The following STPG2 variants were observed in gnomAD, a reference collection of about 807,000 sequenced individuals.
The protein encoded by STPG2 is sperm tail PG-rich repeat containing 2, also known as sperm-tail PG-rich repeat-containing protein 2.
A neutral mutation model predicts 54.2 loss-of-function variants in STPG2; 56 were observed. That is an observed-to-expected ratio of 1.03 (90% CI 0.83 to 1.29). STPG2 has a LOEUF of 1.29. Ranked by LOEUF, STPG2 falls within the 50% of genes most tolerant of loss-of-function variation. STPG2 has a pLI of 0.00. For missense variants in STPG2, 596 were observed against 544.9 expected, an observed-to-expected ratio of 1.09 and a Z score of -0.93; for synonymous variants, 200 against 181.8, an observed-to-expected ratio of 1.10 and a Z score of -0.81.
chr4:97,599,369 C>T (rs146443061), intron 10 of STPG2, among the ~76,000 whole-genome samples: 4,638 of 152,248 alleles, frequency 0.03, 157 homozygotes, highest in African/African-American at 0.084. Context: ...ACAGAACTAC[C>T]ATTTGACTCA....
intron 4 of STPG2, among the ~76,000 whole-genome samples, chr4:97,450,163 T>C (rs1729329067): frequency 6.6e-6 from 1 of 151,988 alleles, no homozygotes; most frequent in Non-Finnish European, 1.5e-5. Context: ...AGAAAAATAA[T>C]AAAAAATAAA....
chr4:97,625,041 C>A (rs1019500785), intron 10 of STPG2, among the ~76,000 whole-genome samples: 15 of 152,142 alleles, frequency 9.9e-5, no homozygotes, highest in Admixed American at 9.8e-4. Flanking sequence ...GAAATAGAGC[C>A]TTCACCAGAA....
At chr4:97,876,843 A>T (rs17027027) in intron 8 of STPG2, among the ~76,000 whole-genome samples, 5 of 151,984 alleles carry the variant, frequency 3.3e-5, no homozygotes, top group African/African-American at 9.7e-5. Flanking sequence ...ATGTTTTCTT[A>T]GCCTGGAAAT....
chr4:97,912,028 G>A (rs890049002), intron 8 of STPG2, among the ~76,000 whole-genome samples: 3 of 152,094 alleles, frequency 2.0e-5, no homozygotes, highest in African/African-American at 7.2e-5. Context: ...TGGTGATACC[G>A]TCAGGTGTGG....
chr4:97,813,390 T>C (rs138307455), intron 9 of STPG2, among the ~76,000 whole-genome samples: 147 of 152,054 alleles, frequency 9.7e-4, no homozygotes, highest in Admixed American at 1.6e-3. Flanking sequence ...GATACTTTTT[T>C]AAAAAAAGAA....
intron 5 of STPG2, among the ~76,000 whole-genome samples, chr4:97,997,927 A>G (rs1578767157): frequency 6.6e-6 from 1 of 152,156 alleles, no homozygotes; most frequent in Admixed American, 6.6e-5. Flanking sequence ...ACCTAAAATG[A>G]AAAATTTTTT....
At chr4:97,800,848 C>A (rs1490648356) in intron 9 of STPG2, among the ~76,000 whole-genome samples, 1 of 152,166 alleles carries the variant, frequency 6.6e-6, no homozygotes, top group Non-Finnish European at 1.5e-5. Context: ...AGCTTCCTGG[C>A]CACTTTGTTT....
At chr4:98,019,954 C>T (rs1399328341) in intron 5 of STPG2, among the ~76,000 whole-genome samples, 4 of 120,384 alleles carry the variant, frequency 3.3e-5, no homozygotes, top group Non-Finnish European at 5.5e-5. Context: ...ACAATCATGT[C>T]GTCTGCAAAC....
At chr4:97,926,197 A>T (rs1178453171) in intron 8 of STPG2, among the ~76,000 whole-genome samples, 3 of 152,142 alleles carry the variant, frequency 2.0e-5, no homozygotes, top group Non-Finnish European at 4.4e-5. Flanking sequence ...TCAGATAGAA[A>T]ATGAAGTTCA....
intron 9 of STPG2, among the ~76,000 whole-genome samples, chr4:97,791,170 G>T (rs1402006790): frequency 6.6e-6 from 1 of 152,060 alleles, no homozygotes; most frequent in East Asian, 1.9e-4. Flanking sequence ...TTTTGGAAAA[G>T]GTGCAATGAG....
At chr4:97,929,326 G>T (rs866773464) in intron 8 of STPG2, among the ~76,000 whole-genome samples, 2 of 152,112 alleles carry the variant, frequency 1.3e-5, no homozygotes, top group Non-Finnish European at 2.9e-5. Context: ...CAATAGTACT[G>T]CAATAAGCAT....
intron 7 of STPG2, among the ~76,000 whole-genome samples, chr4:97,953,322 T>C (rs1277112725): frequency 6.6e-6 from 1 of 152,104 alleles, no homozygotes; most frequent in Non-Finnish European, 1.5e-5. Context: ...AAAGCAAAAC[T>C]CACACCTGCT....
chr4:97,639,481 A>T (rs148983483), intron 10 of STPG2, among the ~76,000 whole-genome samples: 2,610 of 151,840 alleles, frequency 0.017, 67 homozygotes, highest in African/African-American at 0.059. Context: ...GTACCCTAAA[A>T]CTTAAAGTAT....
Position 97,934,673 on chromosome 4 carries a change from G to A in STPG2, c.1044+9224C>T, listed in dbSNP as rs72892986. Among the ~76,000 whole-genome samples the A allele has an allele frequency of 2.2e-3, 331 of 152,240 alleles. 2 individuals carry two copies. Among genetic ancestry groups the A allele is most frequent in the African/African-American group, 7.3e-3 (303 of 41,554 alleles). Reference sequence around the variant, plus strand: ...TGATGAATTACACTTAATGTTTTGCGTATGTTGAACCAGCCCTGAATCCCA... The same window carrying A: ...TGATGAATTACACTTAATGTTTTGCATATGTTGAACCAGCCCTGAATCCCA... On this transcript the variant is annotated intron_variant, in intron 8 of 10. Transcript: ENST00000295268.
intron 5 of STPG2, among the ~76,000 whole-genome samples, chr4:98,041,689 G>C (rs554491849): frequency 1.3e-5 from 2 of 152,048 alleles, no homozygotes; most frequent in Non-Finnish European, 2.9e-5. Context: ...AAACCCACTT[G>C]ATCGTGGTGT....
chr4:97,930,299 T>A (rs1190207903), intron 8 of STPG2, among the ~76,000 whole-genome samples: 2 of 152,244 alleles, frequency 1.3e-5, no homozygotes, highest in Non-Finnish European at 2.9e-5. Flanking sequence ...TCAAGCGTTT[T>A]TAGAATTTTG....
intron 4 of STPG2, among the ~76,000 whole-genome samples, chr4:97,538,322 C>A (rs183139573): frequency 6.6e-6 from 1 of 152,098 alleles, no homozygotes; most frequent in African/African-American, 2.4e-5. Flanking sequence ...CTAATGAGAA[C>A]AACCGATGCA....
chr4:97,485,027 C>T (rs2148823512), intron 4 of STPG2, among the ~76,000 whole-genome samples: 1 of 151,876 alleles, frequency 6.6e-6, no homozygotes, highest in East Asian at 1.9e-4. Context: ...TTAAAACTCT[C>T]AGCAAAATCA....
chr4:97,842,249 T>C (rs1237357870), intron 8 of STPG2, among the ~76,000 whole-genome samples: 1 of 151,842 alleles, frequency 6.6e-6, no homozygotes, highest in African/African-American at 2.4e-5. Context: ...ACATGAAATG[T>C]CATGATAGGT....
Sources: gnomAD v4.1 joint callset for allele counts (sites outside exome capture counted in the v4.1 genomes callset) on GRCh38, gnomAD v4.1.1 for gene constraint, MANE v1.5 for transcripts, NCBI Gene and HGNC (gene_info 2026-07-23, HGNC 2026-07-21) for gene names.